The following FOCAD variants were observed in gnomAD, a reference collection of about 807,000 sequenced individuals.
The protein encoded by FOCAD is focadhesin, also known as KIAA1797.
In FOCAD, 198 loss-of-function variants were observed where a neutral mutation model predicts 225.6. The observed-to-expected ratio is 0.88, with a 90% CI of 0.78 to 0.99. The LOEUF (loss-of-function observed/expected upper bound fraction) is 0.99, where lower values mean the gene tolerates loss of function less well. FOCAD is among the 50% of genes least tolerant of loss of function. FOCAD has a pLI of 0.00. For missense variants in FOCAD, 2,713 were observed against 2,123.6 expected, an observed-to-expected ratio of 1.28 and a Z score of -5.46; for synonymous variants, 897 against 755.0, an observed-to-expected ratio of 1.19 and a Z score of -3.08.
At chr9:20,824,030 A>G (rs974166255) in intron 15 of FOCAD, among the ~76,000 whole-genome samples, 3 of 152,000 alleles carry the variant, frequency 2.0e-5, no homozygotes, top group Non-Finnish European at 2.9e-5. Context: ...TTTGGTGAAC[A>G]CTCATTTCAG....
In FOCAD at chr9:20,819,801, A is replaced by G; in HGVS notation, c.1461A>G (p.Pro487=). ...ELAQADSSQV[P]NLIPVLMFKL... Reference sequence around the variant, plus strand: ...ATTTTAAAAATTCATTTTAGGTGCCAAATCTGATTCCAGTTTTGATGTTCA... The same window carrying G: ...ATTTTAAAAATTCATTTTAGGTGCCGAATCTGATTCCAGTTTTGATGTTCA... Residue 487 remains proline, a synonymous_variant, in exon 12 of 44, where the codon CCA becomes CCG. Coordinates refer to ENST00000338382, the MANE Select transcript of FOCAD (RefSeq NM_001375567.1). The G allele has an allele frequency of 1.3e-6, 2 of 1,525,486 alleles. No individual in the cohort carries two copies. Among genetic ancestry groups the G allele is most frequent in the Non-Finnish European group, 1.8e-6 (2 of 1,138,006 alleles). The allele number at this position is 1,525,486 out of a possible 1,614,324, so 94.5% of individuals were successfully genotyped here. A position where few individuals can be genotyped will look rare whatever the true frequency, so the allele number is the denominator to read the frequency against.
intron 39 of FOCAD, among the ~76,000 whole-genome samples, chr9:20,984,729 A>C (rs748296478): frequency 1.3e-5 from 2 of 152,200 alleles, no homozygotes; most frequent in Non-Finnish European, 2.9e-5. Flanking sequence ...GTGTGCTAAT[A>C]GTCTTTTCAC....
At chr9:20,717,764 C>G in intron 2 of FOCAD, 30 bp from the exon 3 acceptor site, 3 of 1,540,400 alleles carry the variant, frequency 1.9e-6, no homozygotes, top group South Asian at 2.3e-5. Flanking sequence ...TTCTAAGGGA[C>G]TGTGTTCATT....
chr9:20,756,629 T>A (rs1395901935), intron 5 of FOCAD, among the ~76,000 whole-genome samples: 3 of 152,180 alleles, frequency 2.0e-5, no homozygotes, highest in Non-Finnish European at 2.9e-5. Flanking sequence ...AACCACTGCT[T>A]TATAGCAGTG....
chr9:20,993,125 T>C, intron 42 of FOCAD, 128 bp from the exon 43 acceptor site: 1 of 686,522 alleles, frequency 1.5e-6, no homozygotes. Flanking sequence ...GCCTAAGAAC[T>C]GTAATCCCAG....
intron 15 of FOCAD, among the ~76,000 whole-genome samples, chr9:20,827,493 CGTGTGT>C (rs372926136): frequency 1.1e-3 from 166 of 150,080 alleles, no homozygotes; most frequent in East Asian, 2.0e-3. Flanking sequence ...AAAATTGTGG[CGTGTGT>C]GTGTGTGTGT....
intron 21 of FOCAD, among the ~76,000 whole-genome samples, chr9:20,898,992 G>A (rs1425401837): frequency 2.0e-5 from 3 of 151,794 alleles, no homozygotes; most frequent in Non-Finnish European, 4.4e-5. Context: ...GGGATAGGAT[G>A]GCTAGAATGG....
chr9:20,939,758 T>G (rs938977496), intron 28 of FOCAD, among the ~76,000 whole-genome samples: 8 of 151,864 alleles, frequency 5.3e-5, no homozygotes, highest in Admixed American at 3.3e-4. Context: ...TTTCTTTCTT[T>G]TTTTTAAATT....
chr9:20,699,693 G>T (rs1429877624), intron 1 of FOCAD, among the ~76,000 whole-genome samples: 1 of 128,888 alleles, frequency 7.8e-6, no homozygotes, highest in South Asian at 2.6e-4. Context: ...AGCCGAGATC[G>T]TGCCACTGCT....
chr9:20,719,565 T>C (rs1237662880), intron 3 of FOCAD, among the ~76,000 whole-genome samples: 1 of 152,164 alleles, frequency 6.6e-6, no homozygotes, highest in Non-Finnish European at 1.5e-5. Context: ...AATATAGTCA[T>C]ATAGGTTTAT....
Position 20,916,980 on chromosome 9 carries a change from C to T in FOCAD, c.2852+43C>T, listed in dbSNP as rs377502288. 1.1e-5 allele frequency: 16 copies of T among 1,503,656 alleles called. No homozygotes were observed. In the African/African-American group the frequency reaches 2.1e-4, roughly 20 times the overall value. 93.1% of individuals were successfully genotyped at this position (1,503,656 alleles called of 1,614,324 possible). On this transcript the variant is annotated intron_variant, in intron 24 of 43. Coordinates refer to ENST00000338382, the MANE Select transcript of FOCAD (RefSeq NM_001375567.1). The stretch of plus-strand genomic sequence containing the variant: ...TTTTATCAAACATTTTTTATAAATA[C>T]CTTTTCCTGGCAGGTACATACATTT...
upstream of FOCAD, among the ~76,000 whole-genome samples, chr9:20,681,176 A>C (rs1822388591): frequency 3.3e-5 from 5 of 152,380 alleles, no homozygotes; most frequent in South Asian, 1.0e-3. Context: ...AAAAATTTTG[A>C]GTTCCAACAT....
intron 8 of FOCAD, among the ~76,000 whole-genome samples, chr9:20,776,654 T>C (rs1350405309): frequency 6.6e-6 from 1 of 152,232 alleles, no homozygotes; most frequent in Non-Finnish European, 1.5e-5. Context: ...TTCATACTTT[T>C]AAGTTCCATC....
chr9:20,678,902 A>T (rs1259256491), intron 2 of FOCAD, among the ~76,000 whole-genome samples: 1 of 152,086 alleles, frequency 6.6e-6, no homozygotes, highest in Non-Finnish European at 1.5e-5. Context: ...AATGTTTCCT[A>T]GTTTGATTGT....
At chr9:20,726,507 G>A (rs1287320651) in intron 4 of FOCAD, 2 of 152,126 alleles carry the variant, frequency 1.3e-5, no homozygotes, top group Non-Finnish European at 2.9e-5. Flanking sequence ...GACAGGGAAG[G>A]GACCTGCATT....
At chr9:20,885,731 A>G (rs567291517) in intron 21 of FOCAD, among the ~76,000 whole-genome samples, 204 of 152,316 alleles carry the variant, frequency 1.3e-3, no homozygotes, top group African/African-American at 4.7e-3. Context: ...TTTATATGAA[A>G]TCTGATTATT....
At chr9:20,856,548 G>T (rs180787330) in intron 15 of FOCAD, among the ~76,000 whole-genome samples, 1 of 151,636 alleles carries the variant, frequency 6.6e-6, no homozygotes, top group Non-Finnish European at 1.5e-5. Flanking sequence ...TTGTCTCCTC[G>T]CTTTGTTGAT....
intron 18 of FOCAD, among the ~76,000 whole-genome samples, chr9:20,867,742 A>G (rs768373634): frequency 1.3e-5 from 2 of 152,100 alleles, no homozygotes; most frequent in African/African-American, 2.4e-5. Context: ...TGAAGTGTCA[A>G]GCAGACATTG....
Position 20,946,723 on chromosome 9 carries a change from G to C in FOCAD, c.3578G>C (p.Cys1193Ser). 3.7e-6 allele frequency: 6 copies of C among 1,613,612 alleles called. No individual in the cohort carries two copies. The highest frequency in any genetic ancestry group is 5.1e-6 in the Non-Finnish European group (6 of 1,179,668). Residue 1193 changes from cysteine (C) to serine (S), a missense_variant, in exon 30 of 44, where the codon TGT becomes TCT. Physicochemically the swap from Cys to Ser is moderately radical, Grantham distance 112. Coordinates refer to ENST00000338382, the MANE Select transcript of FOCAD (RefSeq NM_001375567.1). ...CAGGTCCTTGCCTACACACTTAGCT[G>C]TGTATGTACATCAGCGTTCAGTGCT... ...FQEVLAYTLS[C>S]VCTSAFSAGI...
Sources: allele counts gnomAD v4.1 joint callset (sites outside exome capture counted in the v4.1 genomes callset), GRCh38; gene constraint gnomAD v4.1.1; transcripts MANE v1.5; gene names NCBI Gene and HGNC (gene_info 2026-07-23, HGNC 2026-07-21).